TEC: variants seen among roughly 807,000 people sequenced by gnomAD.
TEC encodes tec protein tyrosine kinase.
In TEC, 72 loss-of-function variants were observed where a neutral mutation model predicts 93.0. The observed-to-expected ratio is 0.77, with a 90% CI of 0.64 to 0.94. TEC has a LOEUF of 0.94. TEC is among the 40% of genes least tolerant of loss of function. TEC has a pLI of 0.00. For synonymous variants in TEC, 249 were observed against 247.7 expected (o/e 1.01, Z -0.05); for missense variants, 630 against 757.9 (o/e 0.83, Z 1.98).
chr4:48,142,686 A>C (rs543741635), intron 14 of TEC, among the ~76,000 whole-genome samples: 1 of 152,008 alleles, frequency 6.6e-6, no homozygotes, highest in African/African-American at 2.4e-5. Context: ...TTAATTTTTT[A>C]ATTTTTTATT....
chr4:48,182,311 G>A (rs563878070), intron 2 of TEC, among the ~76,000 whole-genome samples: 93 of 150,816 alleles, frequency 6.2e-4, no homozygotes, highest in African/African-American at 2.0e-3. Context: ...TGTGGCCCAA[G>A]GGGAAATATC....
intron 1 of TEC, among the ~76,000 whole-genome samples, chr4:48,261,311 G>A (rs937775884): frequency 6.6e-6 from 1 of 152,202 alleles, no homozygotes; most frequent in African/African-American, 2.4e-5. Context: ...ATGGTTGAAG[G>A]ATCAAGCATT....
intron 2 of TEC, among the ~76,000 whole-genome samples, chr4:48,206,028 C>T (rs1287037942): frequency 6.6e-6 from 1 of 152,168 alleles, no homozygotes; most frequent in Non-Finnish European, 1.5e-5. Context: ...TATGCTACAA[C>T]TTGAATGAAC....
intron 3 of TEC, among the ~76,000 whole-genome samples, chr4:48,174,417 G>C (rs929869553): frequency 2.0e-5 from 3 of 152,146 alleles, no homozygotes; most frequent in African/African-American, 7.2e-5. Context: ...TCAGTACTTT[G>C]GGAGGCTGAG....
chr4:48,220,990 T>A (rs1723239689), intron 2 of TEC, among the ~76,000 whole-genome samples: 1 of 152,224 alleles, frequency 6.6e-6, no homozygotes, highest in South Asian at 2.1e-4. Flanking sequence ...CTTGGCTACA[T>A]ATGGAGGTTC....
intron 1 of TEC, among the ~76,000 whole-genome samples, chr4:48,235,052 G>A (rs1304137290): frequency 1.4e-4 from 21 of 151,480 alleles, no homozygotes; most frequent in Admixed American, 1.4e-3. Context: ...TATAAGGTGG[G>A]AACAAGGAAA....
chr4:48,206,312 G>A (rs1392743171), intron 2 of TEC, among the ~76,000 whole-genome samples: 1 of 151,992 alleles, frequency 6.6e-6, no homozygotes, highest in Non-Finnish European at 1.5e-5. Flanking sequence ...CTCTAAAATG[G>A]TTACAAGAGT....
chr4:48,148,965 G>A (rs1720041334), intron 11 of TEC, among the ~76,000 whole-genome samples: 1 of 152,058 alleles, frequency 6.6e-6, no homozygotes, highest in South Asian at 2.1e-4. Flanking sequence ...AAGGATAATG[G>A]CCTCCAGCTC....
At chr4:48,181,581 G>A (rs533585785) in intron 2 of TEC, among the ~76,000 whole-genome samples, 1 of 83,432 alleles carries the variant, frequency 1.2e-5, no homozygotes, top group East Asian at 3.1e-4. Flanking sequence ...GCTGAGGCAG[G>A]AGAATAGCTT....
At chr4:48,237,083 C>A (rs1359585852) in intron 1 of TEC, among the ~76,000 whole-genome samples, 1 of 152,040 alleles carries the variant, frequency 6.6e-6, no homozygotes, top group Non-Finnish European at 1.5e-5. Flanking sequence ...TGTAATCCCA[C>A]CACTTGGGAG....
At chr4:48,156,606 A>G in intron 9 of TEC, 74 bp downstream of exon 9, 2 of 1,303,142 alleles carry the variant, frequency 1.5e-6, no homozygotes, top group Non-Finnish European at 2.1e-6. Flanking sequence ...AAAGAGAGAT[A>G]TGTGGAACTA....
Position 48,176,212 on chromosome 4 carries a change from A to G in TEC, c.139-26T>C, listed in dbSNP as rs752612816. On this transcript the variant is annotated intron_variant, in intron 2 of 17. Coordinates refer to ENST00000381501, the MANE Select transcript of TEC (RefSeq NM_003215.3). Reference sequence around the variant, plus strand: ...CTGTTAAAAGAAAAAAAGGAGAAACATTAGAATCATAAGACATAAAAAAAT... The same window carrying G: ...CTGTTAAAAGAAAAAAAGGAGAAACGTTAGAATCATAAGACATAAAAAAAT... The G allele has an allele frequency of 1.9e-6, 3 of 1,542,914 alleles. No homozygotes were observed. In the South Asian group the frequency reaches 3.4e-5, roughly 17 times the overall value.
chr4:48,242,085 G>T (rs2664028), intron 1 of TEC, among the ~76,000 whole-genome samples: 118,046 of 152,188 alleles, frequency 0.78, 46,665 homozygotes, highest in African/African-American at 0.93. Context: ...TGCAGTGTCT[G>T]GCTACATTGG....
At chr4:48,149,402 T>C (rs945826782) in intron 11 of TEC, among the ~76,000 whole-genome samples, 155 bp downstream of exon 11, 2 of 152,228 alleles carry the variant, frequency 1.3e-5, no homozygotes, top group African/African-American at 4.8e-5. Flanking sequence ...AAATTTTCTT[T>C]GTATATATCA....
chr4:48,162,379 T>C (rs910958650), intron 8 of TEC, among the ~76,000 whole-genome samples: 5 of 152,172 alleles, frequency 3.3e-5, no homozygotes, highest in African/African-American at 1.2e-4. Flanking sequence ...ATCATAAACT[T>C]CAATATTGAA....
intron 5 of TEC, 82 bp downstream of exon 5, chr4:48,170,166 C>G: frequency 2.4e-6 from 3 of 1,240,376 alleles, no homozygotes; most frequent in Non-Finnish European, 3.4e-6. Context: ...TGTACTTAAT[C>G]AAAACCATGT....
intron 1 of TEC, among the ~76,000 whole-genome samples, chr4:48,258,808 CT>C (rs1353377985): frequency 1.3e-5 from 2 of 152,006 alleles, no homozygotes; most frequent in East Asian, 3.8e-4. Flanking sequence ...TTTAAGAACT[CT>C]AGCGAATTTG....
At chr4:48,149,805 G>C (rs1720081306) in intron 10 of TEC, 115 bp from the exon 11 acceptor site, 1 of 1,029,386 alleles carries the variant, frequency 9.7e-7, no homozygotes, top group South Asian at 2.6e-5. Context: ...ATCTATTCCT[G>C]GCACAAATTT....
At chr4:48,227,679 A>G (rs1462774557) in intron 2 of TEC, among the ~76,000 whole-genome samples, 1 of 151,862 alleles carries the variant, frequency 6.6e-6, no homozygotes, top group Non-Finnish European at 1.5e-5. Flanking sequence ...AGGATCACCA[A>G]CAGTCCACTG....
Sources: gnomAD v4.1 joint callset for allele counts (sites outside exome capture counted in the v4.1 genomes callset) on GRCh38, gnomAD v4.1.1 for gene constraint, MANE v1.5 for transcripts, NCBI Gene and HGNC (gene_info 2026-07-23, HGNC 2026-07-21) for gene names.